Variants in ERBB4 observed in about 807,000 individuals in gnomAD.
The protein encoded by ERBB4 is receptor tyrosine-protein kinase erbB-4.
Under a neutral mutation model 158.0 loss-of-function variants are expected in ERBB4, and 42 were observed. The ratio of observed to expected loss-of-function variants is 0.27; its 90% CI spans 0.21 to 0.34. The LOEUF is 0.34. Ranked by LOEUF, ERBB4 falls within the 10% of genes least tolerant of loss-of-function variation. The pLI is 1.00. For missense variants in ERBB4, 1,333 were observed against 1,624.1 expected (o/e 0.82, Z 3.08); for synonymous variants, 583 against 558.7 (o/e 1.04, Z -0.61).
intron 2 of ERBB4, among the ~76,000 whole-genome samples, chr2:212,056,305 G>C (rs1248522416): frequency 6.6e-6 from 1 of 152,180 alleles, no homozygotes; most frequent in Non-Finnish European, 1.5e-5. Flanking sequence ...CATCTGATTG[G>C]TGTACCTGAA....
At chr2:212,536,713 G>C (rs907248141) in intron 1 of ERBB4, among the ~76,000 whole-genome samples, 16 of 152,094 alleles carry the variant, frequency 1.1e-4, no homozygotes, top group African/African-American at 3.6e-4. Flanking sequence ...AGCTCAACTC[G>C]GAGCCGCACA....
intron 3 of ERBB4, among the ~76,000 whole-genome samples, chr2:211,797,038 G>A (rs962515010): frequency 6.6e-6 from 1 of 151,850 alleles, no homozygotes; most frequent in Non-Finnish European, 1.5e-5. Context: ...TCTGATAACA[G>A]ACAAACACAA....
chr2:212,306,200 C>G (rs2086803518), intron 1 of ERBB4, among the ~76,000 whole-genome samples: 1 of 151,450 alleles, frequency 6.6e-6, no homozygotes, highest in South Asian at 2.1e-4. Flanking sequence ...GAAGTAAAAA[C>G]TCTATGTCTG....
chr2:212,139,825 T>A (rs891048972), intron 1 of ERBB4, among the ~76,000 whole-genome samples: 1 of 151,984 alleles, frequency 6.6e-6, no homozygotes, highest in Non-Finnish European at 1.5e-5. Flanking sequence ...AGCACGAATC[T>A]GATCAATTTT....
chr2:211,914,487 T>C (rs1482871645), intron 3 of ERBB4, among the ~76,000 whole-genome samples: 1 of 152,142 alleles, frequency 6.6e-6, no homozygotes, highest in Non-Finnish European at 1.5e-5. Context: ...TGGTGTTTAA[T>C]AATTCATTAA....
chr2:212,408,305 T>C (rs898978809), intron 1 of ERBB4, among the ~76,000 whole-genome samples: 5 of 152,012 alleles, frequency 3.3e-5, no homozygotes, highest in African/African-American at 1.2e-4. Flanking sequence ...TGTGTTCTCA[T>C]TGTTCAGCTC....
chr2:211,939,869 C>T (rs1239233698), intron 3 of ERBB4, among the ~76,000 whole-genome samples: 1 of 151,588 alleles, frequency 6.6e-6, no homozygotes, highest in Non-Finnish European at 1.5e-5. Context: ...ATGGCATGAA[C>T]CCGGGAGGTG....
At chr2:212,457,522 G>T (rs1688356853) in intron 1 of ERBB4, among the ~76,000 whole-genome samples, 1 of 151,974 alleles carries the variant, frequency 6.6e-6, no homozygotes, top group African/African-American at 2.4e-5. Flanking sequence ...CATGTTAATT[G>T]CTTTCTTGCT....
intron 3 of ERBB4, among the ~76,000 whole-genome samples, chr2:211,806,378 C>T (rs923735561): frequency 3.9e-5 from 6 of 152,064 alleles, no homozygotes; most frequent in African/African-American, 9.7e-5. Flanking sequence ...TAAACCCAGT[C>T]GCCATTAATC....
At chr2:211,902,432 A>G (rs1036365785) in intron 3 of ERBB4, among the ~76,000 whole-genome samples, 7 of 152,026 alleles carry the variant, frequency 4.6e-5, no homozygotes, top group Non-Finnish European at 7.4e-5. Flanking sequence ...ACACCAACTA[A>G]TACTGTACAA....
chr2:212,306,464 C>T (rs1486785046), intron 1 of ERBB4, among the ~76,000 whole-genome samples: 1 of 151,376 alleles, frequency 6.6e-6, no homozygotes, highest in South Asian at 2.1e-4. Flanking sequence ...TGCCCCATTT[C>T]TTTATTTAAT....
rs1388408774 is a variant in ERBB4, at chr2:211,908,502, T to C, written c.421+38928A>G. On this transcript the variant is annotated intron_variant, in intron 3 of 27. Transcript: ENST00000342788. ...CAATAATCTACTGTGGAAAAAATCG[T>C]ATATAATTAAATAAAATCACAGACA... 2.6e-5 allele frequency among the ~76,000 whole-genome samples: 4 copies of C among 151,776 alleles called. 1 individual carries two copies. The highest frequency in any genetic ancestry group is 6.6e-5 in the Admixed American group (1 of 15,184).
chr2:211,648,897 A>G (rs775544731), intron 16 of ERBB4, among the ~76,000 whole-genome samples: 4 of 151,808 alleles, frequency 2.6e-5, no homozygotes, highest in Non-Finnish European at 4.4e-5. Flanking sequence ...TGGTAGCATT[A>G]ATGCAATTAG....
chr2:211,912,029 G>GT lies in ERBB4; in HGVS notation c.421+35400dup, dbSNP rs534016907. ...AACCTGTGGCTATTTTTCTAAAGAG[G>GT]TTTTTGGGAGGTTTAATATGTATGC... On this transcript the variant is annotated intron_variant, in intron 3 of 27. Transcript: ENST00000342788. 7.4e-4 allele frequency among the ~76,000 whole-genome samples: 112 copies of GT among 152,196 alleles called. 1 individual carries two copies. The highest frequency in any genetic ancestry group is 3.4e-3 in the Middle Eastern group (1 of 294).
intron 1 of ERBB4, among the ~76,000 whole-genome samples, chr2:212,361,759 C>A (rs1373766462): frequency 1.3e-5 from 2 of 151,662 alleles, no homozygotes; most frequent in East Asian, 1.9e-4. Context: ...CAATCCTCAA[C>A]TGATTCATCT....
chr2:211,468,580 G>A (rs2064754240), intron 20 of ERBB4, among the ~76,000 whole-genome samples: 1 of 152,034 alleles, frequency 6.6e-6, no homozygotes, highest in African/African-American at 2.4e-5. Flanking sequence ...TAAGAAGGTG[G>A]GAGAAACGCC....
chr2:212,470,450 A>T (rs1689061781), intron 1 of ERBB4, among the ~76,000 whole-genome samples: 1 of 152,136 alleles, frequency 6.6e-6, no homozygotes, highest in Non-Finnish European at 1.5e-5. Context: ...CAGTTTTACA[A>T]TGAGACCTGG....
chr2:212,318,571 ATCC>A (rs1241544121), intron 1 of ERBB4, among the ~76,000 whole-genome samples: 1 of 151,606 alleles, frequency 6.6e-6, no homozygotes, highest in East Asian at 2.0e-4. Context: ...GTAATAATAT[ATCC>A]TCCTTGTTGC....
At chr2:212,400,033 C>T (rs973939837) in intron 1 of ERBB4, among the ~76,000 whole-genome samples, 4 of 151,934 alleles carry the variant, frequency 2.6e-5, no homozygotes, top group Non-Finnish European at 4.4e-5. Flanking sequence ...GACTGTGAAC[C>T]AGGAAGGGGA....
Sources: gnomAD v4.1 joint callset for allele counts (sites outside exome capture counted in the v4.1 genomes callset) on GRCh38, gnomAD v4.1.1 for gene constraint, MANE v1.5 for transcripts, NCBI Gene and HGNC (gene_info 2026-07-23, HGNC 2026-07-21) for gene names.